The following HAPLN1 variants were observed in gnomAD, a reference collection of about 807,000 sequenced individuals.
HAPLN1 encodes the protein hyaluronan and proteoglycan link protein 1.
Under a neutral mutation model 36.5 loss-of-function variants are expected in HAPLN1, and 13 were observed. The ratio of observed to expected loss-of-function variants is 0.36; its 90% confidence interval spans 0.23 to 0.57. HAPLN1 has a LOEUF of 0.57. Ranked by LOEUF, HAPLN1 falls within the 20% of genes least tolerant of loss-of-function variation. The pLI is 0.83. For missense variants in HAPLN1, 407 were observed against 439.7 expected, an observed-to-expected ratio of 0.93 and a Z score of 0.66; for synonymous variants, 202 against 169.8, an observed-to-expected ratio of 1.19 and a Z score of -1.48.
intron 4 of HAPLN1, among the ~76,000 whole-genome samples, 197 bp downstream of exon 4, chr5:83,644,166 G>A (rs904136320): frequency 1.3e-5 from 2 of 152,166 alleles, no homozygotes; most frequent in Non-Finnish European, 2.9e-5. Flanking sequence ...CTGGGAATAT[G>A]TACTTTTGCT....
At chr5:83,676,129 TG>T (rs1750854245) in intron 1 of HAPLN1, among the ~76,000 whole-genome samples, 1 of 151,428 alleles carries the variant, frequency 6.6e-6, no homozygotes, top group Non-Finnish European at 1.5e-5. Context: ...AACAAAGTCT[TG>T]GTGGTTCACA....
At chr5:83,644,082 G>A (rs1749781950) in intron 4 of HAPLN1, among the ~76,000 whole-genome samples, 1 of 152,040 alleles carries the variant, frequency 6.6e-6, no homozygotes. Context: ...TTTGACAATA[G>A]GTAACAGACC....
In HAPLN1 at chr5:83,674,838, T is replaced by G. The variant is rs1466541376; in HGVS notation, c.-26-1289A>C. On this transcript the variant is annotated intron_variant, in intron 1 of 4. Transcript: ENST00000274341. ...TCACAGAAGGTCCCCAAGTCTCTTCTGAGACTGAAACATGTCTCTGTATTT... is the reference window on the plus strand; with the variant it reads ...TCACAGAAGGTCCCCAAGTCTCTTCGGAGACTGAAACATGTCTCTGTATTT... 4 of 152,238 alleles carry G rather than the reference T, an allele frequency of 2.6e-5. No individual in the cohort carries two copies. In the East Asian group the frequency reaches 7.7e-4, roughly 29 times the overall value. 9.4% of individuals were successfully genotyped at this position (152,238 alleles called of 1,614,324 possible). A position where few individuals can be genotyped will look rare whatever the true frequency, so the allele number is the denominator to read the frequency against.
chr5:83,670,879 G>A (rs1411747265), intron 2 of HAPLN1, among the ~76,000 whole-genome samples: 3 of 152,118 alleles, frequency 2.0e-5, no homozygotes, highest in African/African-American at 7.2e-5. Flanking sequence ...ATTTTTAGTA[G>A]AGACGGGGTT....
chr5:83,719,490 G>A (rs991814218), intron 1 of HAPLN1, among the ~76,000 whole-genome samples: 32 of 152,126 alleles, frequency 2.1e-4, no homozygotes, highest in African/African-American at 7.5e-4. Flanking sequence ...TTTAAAATGG[G>A]TGGTATAAAA....
At chr5:83,695,526 C>T (rs964589154) in intron 1 of HAPLN1, among the ~76,000 whole-genome samples, 32 of 149,750 alleles carry the variant, frequency 2.1e-4, no homozygotes, top group African/African-American at 7.8e-4. Flanking sequence ...TATATATATA[C>T]ATATTTAGTG....
intron 2 of HAPLN1, among the ~76,000 whole-genome samples, chr5:83,659,344 T>G (rs17206082): frequency 2.0e-5 from 3 of 152,034 alleles, no homozygotes; most frequent in Non-Finnish European, 2.9e-5. Context: ...AACTTTGACC[T>G]GAAGATACAA....
At chr5:83,718,418 C>T (rs2112644942) in intron 1 of HAPLN1, among the ~76,000 whole-genome samples, 1 of 152,282 alleles carries the variant, frequency 6.6e-6, no homozygotes, top group South Asian at 2.1e-4. Flanking sequence ...GACCATGCTT[C>T]ACACAGTTAA....
intron 1 of HAPLN1, among the ~76,000 whole-genome samples, chr5:83,709,284 T>G (rs1751722856): frequency 6.6e-6 from 1 of 152,200 alleles, no homozygotes; most frequent in Non-Finnish European, 1.5e-5. Flanking sequence ...AATGTTCTTT[T>G]TACACAGTAA....
chr5:83,644,321 G>A lies in HAPLN1; in HGVS notation c.775+42C>T, dbSNP rs1281932384. The A allele has an allele frequency of 3.6e-6, 5 of 1,397,506 alleles. No homozygotes were observed. The African/African-American group carries it at 5.9e-5, about 16-fold the overall frequency. 86.6% of individuals were successfully genotyped at this position (1,397,506 alleles called of 1,614,324 possible). ...AAGTGTAGTGTTATAGTATGGAATA[G>A]TCTGTGAGATAGGAAAGAAGGCAGT... is the stretch of plus-strand genomic sequence containing the variant. On this transcript the variant is annotated intron_variant, in intron 4 of 4. Transcript: ENST00000274341.
At chr5:83,719,894 A>G (rs1341423709) in intron 1 of HAPLN1, among the ~76,000 whole-genome samples, 1 of 152,236 alleles carries the variant, frequency 6.6e-6, no homozygotes, top group African/African-American at 2.4e-5. Flanking sequence ...ATTTTATGAC[A>G]TCACACTGGA....
chr5:83,708,382 T>TA (rs1260421214), intron 1 of HAPLN1, among the ~76,000 whole-genome samples: 1 of 152,114 alleles, frequency 6.6e-6, no homozygotes, highest in Non-Finnish European at 1.5e-5. Flanking sequence ...TATGCAGCCA[T>TA]AAAAAAGAAC....
At chr5:83,672,199 G>T (rs369423852) in intron 2 of HAPLN1, among the ~76,000 whole-genome samples, 2 of 152,098 alleles carry the variant, frequency 1.3e-5, no homozygotes, top group African/African-American at 4.8e-5. Context: ...TATTAATAAC[G>T]ACTAGGTATT....
At chr5:83,718,357 A>G (rs979874482) in intron 1 of HAPLN1, among the ~76,000 whole-genome samples, 1 of 152,192 alleles carries the variant, frequency 6.6e-6, no homozygotes, top group Non-Finnish European at 1.5e-5. Context: ...GAGTATTTTA[A>G]GAAGCCGGTG....
In HAPLN1 at chr5:83,641,680, G is replaced by A. The variant is rs199675424; in HGVS notation, c.881C>T (p.Ala294Val). Residue 294 changes from alanine (A) to valine (V), a missense_variant, in exon 5 of 5, where the codon GCT becomes GTT. By Grantham distance (64) the Ala-to-Val change is moderately conservative. Transcript: ENST00000274341. ...GTCATATCCGAGAATTTTCCAGGCA[G>A]CAAATATCTGGCCCACTTTTGCAAT... ...AQIAKVGQIF[A>V]AWKILGYDRC... The A allele has an allele frequency of 6.2e-6, 10 of 1,614,188 alleles. No individual in the cohort carries two copies. The African/African-American group carries it at 8.0e-5, about 13-fold the overall frequency.
chr5:83,660,587 AT>A (rs1223238230), intron 2 of HAPLN1, among the ~76,000 whole-genome samples: 1 of 152,086 alleles, frequency 6.6e-6, no homozygotes, highest in Non-Finnish European at 1.5e-5. Flanking sequence ...CCTGATAAAT[AT>A]TCTGTCTCCT....
chr5:83,660,386 T>C (rs1215625851), intron 2 of HAPLN1, among the ~76,000 whole-genome samples: 1 of 152,088 alleles, frequency 6.6e-6, no homozygotes, highest in Non-Finnish European at 1.5e-5. Context: ...TTAAAAAAAG[T>C]TTTTCAAGAA....
At position 83,638,714 on chromosome 5, in the gene HAPLN1, G is replaced by C. The variant is rs1749593099; in HGVS notation, c.*2782C>G. The C allele has an allele frequency of 6.6e-6, 1 of 151,976 alleles. No homozygotes were observed. The highest frequency in any genetic ancestry group is 2.1e-4 in the South Asian group (1 of 4,826). 9.4% of individuals were successfully genotyped at this position (151,976 alleles called of 1,614,324 possible). On this transcript the variant is annotated 3_prime_UTR_variant, in exon 5 of 5. Transcript: ENST00000274341. Reference sequence around the variant, plus strand: ...ACAGGTACCAGCCCCCTTTCCATGAGAGAAAGTTTAAATTTACAAACGCCA... The same window carrying C: ...ACAGGTACCAGCCCCCTTTCCATGACAGAAAGTTTAAATTTACAAACGCCA...
chr5:83,718,817 C>T (rs573810462), intron 1 of HAPLN1, among the ~76,000 whole-genome samples: 1 of 151,834 alleles, frequency 6.6e-6, no homozygotes, highest in South Asian at 2.1e-4. Context: ...GTGCATGGGG[C>T]AAAAAGAAAT....
Sources: allele counts gnomAD v4.1 joint callset (sites outside exome capture counted in the v4.1 genomes callset), GRCh38; gene constraint gnomAD v4.1.1; transcripts MANE v1.5; gene names NCBI Gene and HGNC (gene_info 2026-07-23, HGNC 2026-07-21).